RPS6KA2: variants seen among roughly 807,000 people sequenced by gnomAD.
The protein encoded by RPS6KA2 is ribosomal protein S6 kinase A2.
RPS6KA2 carries 42 observed loss-of-function variants against 91.8 expected under a neutral mutation model. The observed-to-expected ratio is 0.46, with a 90% CI of 0.36 to 0.59. The LOEUF (loss-of-function observed/expected upper bound fraction) is 0.59, where lower values mean the gene tolerates loss of function less well. Among genes scored for constraint, RPS6KA2 ranks in the 20% least tolerant of loss-of-function variants. The pLI is 0.00. For synonymous variants in RPS6KA2, 414 were observed against 393.6 expected, an observed-to-expected ratio of 1.05 and a Z score of -0.61; for missense variants, 798 against 978.5, an observed-to-expected ratio of 0.82 and a Z score of 2.46.
intron 1 of RPS6KA2, among the ~76,000 whole-genome samples, chr6:166,553,530 G>T (rs529545491): frequency 1.6e-4 from 23 of 140,268 alleles, no homozygotes; most frequent in Middle Eastern, 7.4e-3. Flanking sequence ...AAAAAAAAAA[G>T]GCACCCACTC....
intron 12 of RPS6KA2, among the ~76,000 whole-genome samples, chr6:166,455,204 GT>G (rs1780059519): frequency 2.0e-5 from 3 of 152,142 alleles, no homozygotes. Flanking sequence ...TGCGGCAGGT[GT>G]GTGGGGGTGG....
intron 20 of RPS6KA2, among the ~76,000 whole-genome samples, chr6:166,413,099 GC>G (rs375948742): frequency 8.4e-4 from 127 of 151,940 alleles, no homozygotes; most frequent in African/African-American, 2.9e-3. Context: ...TCCTGCACCT[GC>G]CCCCCCCACC....
At chr6:166,688,778 C>T (rs1239941130) in intron 2 of RPS6KA2, among the ~76,000 whole-genome samples, 1 of 152,220 alleles carries the variant, frequency 6.6e-6, no homozygotes, top group Non-Finnish European at 1.5e-5. Context: ...GCCTGGGAGC[C>T]CTCTTTCCAC....
At chr6:166,679,392 A>T (rs909862869) in intron 2 of RPS6KA2, among the ~76,000 whole-genome samples, 2 of 152,070 alleles carry the variant, frequency 1.3e-5, no homozygotes, top group Non-Finnish European at 2.9e-5. Context: ...TGAACCTGGG[A>T]GGTGGAGGTT....
At chr6:166,467,924 A>G (rs906017717) in intron 11 of RPS6KA2, among the ~76,000 whole-genome samples, 1 of 152,246 alleles carries the variant, frequency 6.6e-6, no homozygotes. Flanking sequence ...AGCAGATCAT[A>G]CGGGGAGAAG....
rs150824029 is a variant in RPS6KA2 at position 166,852,081 on chromosome 6, G to A, written c.123+6119C>T. Among the ~76,000 whole-genome samples, 72 of 152,266 alleles carry A rather than the reference G, an allele frequency of 4.7e-4. No individual in the cohort carries two copies. Among genetic ancestry groups the A allele is most frequent in the African/African-American group, 1.7e-3 (69 of 41,550 alleles). On this transcript the variant is annotated intron_variant, in intron 2 of 21. Transcript: ENST00000503859. The surrounding 1 kb of genome is among the most constrained non-coding windows in gnomAD (Gnocchi z 4.1). ...CAGATGGGCCTGCAGTGGCTTAGCC[G>A]CATCACCCGCTTTCCAGGAGGCATG...
At chr6:166,828,459 C>A (rs1409893459) in intron 2 of RPS6KA2, among the ~76,000 whole-genome samples, 3 of 152,218 alleles carry the variant, frequency 2.0e-5, no homozygotes, top group African/African-American at 7.2e-5. Flanking sequence ...TTCCAGAATT[C>A]TTTTGCTCTT....
chr6:166,494,626 G>T lies in RPS6KA2; in HGVS notation c.747+3882C>A, dbSNP rs146355894. ...ATTCTACAAATGTCACCACGCAGCC[G>T]GCCACCAGGTTTGCACGTTCTTCTC... On this transcript the variant is annotated intron_variant, in intron 8 of 20. Coordinates refer to ENST00000265678, the MANE Select transcript of RPS6KA2 (RefSeq NM_021135.6). This position sits in a 1 kb window ranked among gnomAD's most constrained non-coding sequence, Gnocchi z 5.1. Among the ~76,000 whole-genome samples the T allele has an allele frequency of 6.6e-6, 1 of 152,168 alleles. No individual in the cohort carries two copies. Among genetic ancestry groups the T allele is most frequent in the Non-Finnish European group, 1.5e-5 (1 of 68,022 alleles).
chr6:166,510,817 A>G (rs1782456626), intron 3 of RPS6KA2, among the ~76,000 whole-genome samples: 1 of 151,710 alleles, frequency 6.6e-6, no homozygotes. Flanking sequence ...CCGACCTAGG[A>G]TCCAGTTCAA....
chr6:166,578,854 T>C (rs1472766741), intron 1 of RPS6KA2, among the ~76,000 whole-genome samples: 1 of 152,212 alleles, frequency 6.6e-6, no homozygotes, highest in Non-Finnish European at 1.5e-5. Flanking sequence ...AGGATATTGA[T>C]GGGATCTGTG....
chr6:166,591,617 G>A (rs1444162227), intron 1 of RPS6KA2, among the ~76,000 whole-genome samples: 2 of 152,094 alleles, frequency 1.3e-5, no homozygotes, highest in Non-Finnish European at 2.9e-5. Context: ...GGAGTGCCTG[G>A]GGCCACCAGA....
chr6:166,497,031 A>C (rs534102632), intron 8 of RPS6KA2, among the ~76,000 whole-genome samples: 1 of 152,316 alleles, frequency 6.6e-6, no homozygotes, highest in Admixed American at 6.5e-5. Flanking sequence ...GAGTGGACCT[A>C]TCGAGGCAGA....
chr6:166,805,463 G>T (rs1779469321), intron 2 of RPS6KA2, among the ~76,000 whole-genome samples: 1 of 152,078 alleles, frequency 6.6e-6, no homozygotes, highest in African/African-American at 2.4e-5. Flanking sequence ...CCCAACTTGG[G>T]GGCCAGATGT....
chr6:166,700,722 A>C (rs925973805), intron 2 of RPS6KA2, among the ~76,000 whole-genome samples: 2 of 152,160 alleles, frequency 1.3e-5, no homozygotes, highest in African/African-American at 2.4e-5. Context: ...ATTTAGGAAC[A>C]ATCTATTTGA....
intron 2 of RPS6KA2, among the ~76,000 whole-genome samples, chr6:166,814,110 G>C (rs1779704981): frequency 6.6e-6 from 1 of 152,090 alleles, no homozygotes; most frequent in South Asian, 2.1e-4. Flanking sequence ...GATACGTATG[G>C]TTTTATGCCT....
chr6:166,585,257 T>C (rs1482737759), intron 1 of RPS6KA2, among the ~76,000 whole-genome samples: 1 of 152,244 alleles, frequency 6.6e-6, no homozygotes, highest in Non-Finnish European at 1.5e-5. Context: ...CTCGCTGGGA[T>C]GGACTTTCAG....
chr6:166,780,565 A>G (rs1778742869), intron 2 of RPS6KA2, among the ~76,000 whole-genome samples: 1 of 152,180 alleles, frequency 6.6e-6, no homozygotes, highest in African/African-American at 2.4e-5. Context: ...AAATGCGTAT[A>G]CCACAGAAGC....
At chr6:166,519,989 T>C (rs1438458122) in intron 3 of RPS6KA2, among the ~76,000 whole-genome samples, 1 of 152,140 alleles carries the variant, frequency 6.6e-6, no homozygotes, top group Non-Finnish European at 1.5e-5. Flanking sequence ...ATTGGTGGAC[T>C]GAGTAAAGAT....
At chr6:166,808,719 CAT>C (rs1779556298) in intron 2 of RPS6KA2, among the ~76,000 whole-genome samples, 1 of 152,108 alleles carries the variant, frequency 6.6e-6, no homozygotes, top group Non-Finnish European at 1.5e-5. Context: ...TAAATAAAAA[CAT>C]AGACTGTGTT....
Sources: allele counts gnomAD v4.1 joint callset (sites outside exome capture counted in the v4.1 genomes callset), GRCh38; gene constraint gnomAD v4.1.1; non-coding constraint Gnocchi (gnomAD v3.1); transcripts MANE v1.5; gene names NCBI Gene and HGNC (gene_info 2026-07-23, HGNC 2026-07-21).